Variants in UBIAD1 observed in about 807,000 individuals in gnomAD.
UBIAD1 encodes ubiA prenyltransferase domain-containing protein 1.
A neutral mutation model predicts 20.1 loss-of-function variants in UBIAD1; 12 were observed. That is an observed-to-expected ratio of 0.60 (90% CI 0.38 to 0.97). The LOEUF (loss-of-function observed/expected upper bound fraction) is 0.97, where lower values mean the gene tolerates loss of function less well. Among genes scored for constraint, UBIAD1 ranks in the 50% least tolerant of loss-of-function variants. The pLI is 0.00. For missense variants in UBIAD1, 333 were observed against 419.5 expected, an observed-to-expected ratio of 0.79 and a Z score of 1.80; for synonymous variants, 207 against 189.2, an observed-to-expected ratio of 1.09 and a Z score of -0.77.
intron 1 of UBIAD1, among the ~76,000 whole-genome samples, chr1:11,281,415 G>T (rs1487321435): frequency 6.6e-6 from 1 of 152,068 alleles, no homozygotes; most frequent in African/African-American, 2.4e-5. Flanking sequence ...TCTGTCTCTG[G>T]TATTAGCTGA....
At chr1:11,289,300 G>A (rs761783915), downstream of UBIAD1, among the ~76,000 whole-genome samples, 2 of 152,154 alleles carry the variant, frequency 1.3e-5, no homozygotes, top group African/African-American at 4.8e-5. Flanking sequence ...TTAATGACGC[G>A]GATGAGGCAG....
downstream of UBIAD1, among the ~76,000 whole-genome samples, chr1:11,291,855 A>T (rs1039663862): frequency 1.1e-4 from 17 of 152,036 alleles, no homozygotes; most frequent in African/African-American, 3.9e-4. Context: ...AGTCACAAGA[A>T]GGCTGTCTTC....
At chr1:11,298,277 A>T (rs1035636026), downstream of UBIAD1, among the ~76,000 whole-genome samples, 9 of 151,856 alleles carry the variant, frequency 5.9e-5, no homozygotes, top group South Asian at 2.1e-4. The surrounding 1 kb of genome is among the most constrained non-coding windows in gnomAD (Gnocchi z 4.0). Flanking sequence ...ATTATATTTT[A>T]AAAAATTGGG....
intron 1 of UBIAD1, among the ~76,000 whole-genome samples, chr1:11,282,965 G>T (rs1226348037): frequency 6.8e-6 from 1 of 146,126 alleles, no homozygotes; most frequent in South Asian, 2.2e-4. Context: ...GGTTCAAGCG[G>T]TTCTTCTGCC....
chr1:11,283,371 C>T (rs77420479), intron 1 of UBIAD1, among the ~76,000 whole-genome samples: 1 of 152,188 alleles, frequency 6.6e-6, no homozygotes, highest in East Asian at 1.9e-4. Context: ...ATCATCTTTG[C>T]GTGGGTGTAG....
rs191663672 is a variant in UBIAD1 at position 11,286,149 on chromosome 1, C to T, written c.*18C>T. On this transcript the variant is annotated 3_prime_UTR_variant, in exon 2 of 2. Transcript: ENST00000376810. ...AAATTTAAGGGGACAAGTAGCTCCC[C>T]CCACGACATGTCTCCCTTTCTTAGA... 437 of 1,614,116 alleles carry T rather than the reference C, an allele frequency of 2.7e-4. 3 individuals carry two copies. The African/African-American group carries it at 4.8e-3, about 18-fold the overall frequency.
chr1:11,274,149 G>A (rs1297548992), intron 1 of UBIAD1, 89 bp downstream of exon 1: 2 of 1,526,890 alleles, frequency 1.3e-6, no homozygotes, highest in Non-Finnish European at 1.8e-6. Flanking sequence ...GGATGTCAAA[G>A]GTGGCTTTCT....
chr1:11,277,681 C>G lies in UBIAD1; in HGVS notation c.529+3621C>G, dbSNP rs111938313. On this transcript the variant is annotated intron_variant, in intron 1 of 1. Coordinates refer to ENST00000376810, the MANE Select transcript of UBIAD1 (RefSeq NM_013319.3). The stretch of plus-strand genomic sequence containing the variant: ...TTTTTTCTTGAGACAGAATTTTGCT[C>G]TTGTTGCCCAGGCTGGAGTACAATG... Among the ~76,000 whole-genome samples, 629 of 152,236 alleles carry G rather than the reference C, an allele frequency of 4.1e-3. 6 individuals are homozygous for G. Among genetic ancestry groups the G allele is most frequent in the African/African-American group, 0.014 (573 of 41,532 alleles).
intron 1 of UBIAD1, chr1:11,294,797 C>T (rs1638421790): frequency 9.8e-6 from 7 of 717,082 alleles, no homozygotes; most frequent in South Asian, 4.4e-5. Flanking sequence ...ATGATGGAGG[C>T]GAAGGTTCAG....
At position 11,273,987 on chromosome 1, in the gene UBIAD1, G is replaced by C. The variant is rs555247860; in HGVS notation, c.456G>C (p.Leu152=). The change falls in exon 1 of 2, where the codon CTG becomes CTC. Residue 152 remains leucine (L), a synonymous_variant. Transcript: ENST00000376810. The surrounding 1 kb of genome is among the most constrained non-coding windows in gnomAD (Gnocchi z 4.9). ...GCVCAACLYY[L]SPLKLEHLAL... ...TCTGTGCCGCTTGCCTCTACTACCT[G>C]TCCCCTCTGAAACTGGAGCACTTGG... The C allele has an allele frequency of 1.1e-5, 18 of 1,614,144 alleles. No homozygotes were observed. In the South Asian group the frequency reaches 1.8e-4, roughly 16 times the overall value.
At position 11,288,046 on chromosome 1, in the gene UBIAD1, A is replaced by G. The variant is rs560012502; in HGVS notation, c.*1915A>G. ...TGGGCAGAGCCCAGAGACAAGGGGA[A>G]GAAAGATGACCTTCTCCCCAGTCCT... On this transcript the variant is annotated 3_prime_UTR_variant, in exon 2 of 2. Coordinates refer to ENST00000376810, the MANE Select transcript of UBIAD1 (RefSeq NM_013319.3). The G allele has an allele frequency of 2.0e-5, 3 of 152,372 alleles. No homozygotes were observed. Among genetic ancestry groups the G allele is most frequent in the African/African-American group, 7.2e-5 (3 of 41,584 alleles). The allele number at this position is 152,372 out of a possible 1,614,324, so 9.4% of individuals were successfully genotyped here.
chr1:11,276,338 T>C (rs77019373), intron 1 of UBIAD1, among the ~76,000 whole-genome samples: 2,125 of 152,046 alleles, frequency 0.014, 52 homozygotes, highest in African/African-American at 0.049. Flanking sequence ...TTTTTTTTTC[T>C]TGGACACATT....
Position 11,294,950 on chromosome 1 carries a change from C to T in UBIAD1, c.*67C>T, listed in dbSNP as rs538354078. ...AAGCTCCCAGAAACTGCCTAGTGAC[C>T]TGCCTTCTAGACCTGCCTCCTGAGA... On this transcript the variant is annotated 3_prime_UTR_variant, in exon 2 of 2. Coordinates refer to the UBIAD1 transcript ENST00000376804. 8.5e-5 allele frequency: 61 copies of T among 717,480 alleles called. No individual in the cohort carries two copies. The African/African-American group carries it at 1.0e-3, about 12-fold the overall frequency. The allele number at this position is 717,480 out of a possible 1,614,324, so 44.4% of individuals were successfully genotyped here.
chr1:11,278,746 G>A (rs1652143870), intron 1 of UBIAD1: 1 of 652,062 alleles, frequency 1.5e-6, no homozygotes, highest in Admixed American at 3.2e-5. Context: ...CTGGTGTGCT[G>A]CGGTCATCCA....
chr1:11,276,691 G>C (rs983258695), intron 1 of UBIAD1, among the ~76,000 whole-genome samples: 1 of 149,356 alleles, frequency 6.7e-6, no homozygotes, highest in Non-Finnish European at 1.5e-5. Flanking sequence ...ACCAACTTTA[G>C]TTTCAAAATT....
At position 11,285,502 on chromosome 1, in the gene UBIAD1, T is replaced by G; in HGVS notation, c.530-142T>G. On this transcript the variant is annotated intron_variant, in intron 1 of 1. Transcript: ENST00000376810. The surrounding 1 kb of genome is among the most constrained non-coding windows in gnomAD (Gnocchi z 4.4). ...AGAAATCAGAATTTGCTCTGTGGGG[T>G]TAAGGGATGAAATGAGTGCCCACCT... 7.8e-7 allele frequency: 1 copy of G among 1,279,226 alleles called. No homozygotes were observed. Among genetic ancestry groups the G allele is most frequent in the Non-Finnish European group, 1.1e-6 (1 of 908,810 alleles). 79.2% of individuals were successfully genotyped at this position (1,279,226 alleles called of 1,614,324 possible).
downstream of UBIAD1, chr1:11,292,275 G>C (rs1001908266): frequency 6.6e-6 from 1 of 152,326 alleles, no homozygotes; most frequent in African/African-American, 2.4e-5. Context: ...AAAGTACTGG[G>C]ATTACAGGCT....
intron 1 of UBIAD1, among the ~76,000 whole-genome samples, chr1:11,284,827 G>A (rs562481744): frequency 3.9e-5 from 6 of 152,084 alleles, no homozygotes; most frequent in Admixed American, 6.6e-5. Flanking sequence ...TAGGGATGGA[G>A]AGGGGGAGGG....
At chr1:11,296,170 T>C (rs1638444646), downstream of UBIAD1, 1 of 152,330 alleles carries the variant, frequency 6.6e-6, no homozygotes, top group Middle Eastern at 3.4e-3. Flanking sequence ...GGAGGTATCA[T>C]GGTAAATGAG....
Sources: allele counts gnomAD v4.1 joint callset (sites outside exome capture counted in the v4.1 genomes callset), GRCh38; gene constraint gnomAD v4.1.1; non-coding constraint Gnocchi (gnomAD v3.1); transcripts MANE v1.5; gene names NCBI Gene and HGNC (gene_info 2026-07-23, HGNC 2026-07-21).